The following JARID2 variants were observed in gnomAD, a reference collection of about 807,000 sequenced individuals.
The protein encoded by JARID2 is jumonji and AT-rich interaction domain containing 2, also known as protein Jumonji.
A neutral mutation model predicts 125.6 loss-of-function variants in JARID2; 21 were observed. The ratio of observed to expected loss-of-function variants is 0.17; its 90% CI spans 0.12 to 0.24. JARID2 has a LOEUF of 0.24. Among genes scored for constraint, JARID2 ranks in the 10% least tolerant of loss-of-function variants. The pLI is 1.00. For synonymous variants in JARID2, 736 were observed against 661.6 expected (o/e 1.11, Z -1.73); for missense variants, 1,303 against 1,639.6 (o/e 0.79, Z 3.55).
rs563371320 is a variant in JARID2 at position 15,353,333 on chromosome 6, T to C, written c.46-20784T>C. Reference sequence around the variant, plus strand: ...TTCATGTGTTTATTGTTCACTTATATACATTACAGTAGAAATCTTGAGCTT... The same window carrying C: ...TTCATGTGTTTATTGTTCACTTATACACATTACAGTAGAAATCTTGAGCTT... On this transcript the variant is annotated intron_variant, in intron 1 of 17. Transcript: ENST00000341776. Among the ~76,000 whole-genome samples, 5 of 152,380 alleles carry C rather than the reference T, an allele frequency of 3.3e-5. No individual in the cohort carries two copies. The South Asian group carries it at 1.0e-3, about 32-fold the overall frequency.
chr6:15,444,735 ATTTTTTTTTT>A (rs5874512), intron 3 of JARID2, among the ~76,000 whole-genome samples: 3 of 91,924 alleles, frequency 3.3e-5, no homozygotes, highest in South Asian at 3.9e-4. Context: ...GAACTGTCTG[ATTTTTTTTTT>A]TTTTTTTTTT....
chr6:15,287,659 T>C (rs1761054574), intron 1 of JARID2, among the ~76,000 whole-genome samples: 1 of 152,184 alleles, frequency 6.6e-6, no homozygotes, highest in Non-Finnish European at 1.5e-5. Flanking sequence ...GAGAATCTCT[T>C]TTCCTTCTTC....
At chr6:15,392,598 T>C (rs977881822) in intron 2 of JARID2, among the ~76,000 whole-genome samples, 1 of 152,002 alleles carries the variant, frequency 6.6e-6, no homozygotes, top group African/African-American at 2.4e-5. Context: ...GGAAACGTTC[T>C]GTGTCTGTGC....
chr6:15,491,075 G>A (rs1259742430), intron 6 of JARID2, among the ~76,000 whole-genome samples: 1 of 152,222 alleles, frequency 6.6e-6, no homozygotes, highest in Non-Finnish European at 1.5e-5. Flanking sequence ...GATTCAGAGA[G>A]GGCCAAGGAA....
intron 1 of JARID2, among the ~76,000 whole-genome samples, chr6:15,269,012 A>G (rs746170221): frequency 3.3e-5 from 5 of 152,124 alleles, no homozygotes; most frequent in Non-Finnish European, 5.9e-5. Flanking sequence ...CTCGTTAGGA[A>G]ATTTAAAGGC....
chr6:15,478,622 A>G (rs1769465920), intron 5 of JARID2, among the ~76,000 whole-genome samples: 1 of 151,632 alleles, frequency 6.6e-6, no homozygotes, highest in African/African-American at 2.4e-5. Context: ...CTTATCACTG[A>G]CTTCAGATGT....
intron 5 of JARID2, among the ~76,000 whole-genome samples, chr6:15,472,837 A>G (rs1029947669): frequency 2.0e-5 from 3 of 152,206 alleles, no homozygotes; most frequent in Admixed American, 6.5e-5. Flanking sequence ...TCCCTCTGCA[A>G]TTTAATTCAT....
rs146772436 is a variant in JARID2, at chr6:15,394,731, C to T, written c.182-15493C>T. Reference sequence around the variant, plus strand: ...TCAAATGGAAAGAGGAGCAGGTGCTCTCTAGGCAGAGGAGAGAATAGTCAG... The same window carrying T: ...TCAAATGGAAAGAGGAGCAGGTGCTTTCTAGGCAGAGGAGAGAATAGTCAG... On this transcript the variant is annotated intron_variant, in intron 2 of 17. Coordinates refer to ENST00000341776, the MANE Select transcript of JARID2 (RefSeq NM_004973.4). Among the ~76,000 whole-genome samples, 1,034 of 152,212 alleles carry T rather than the reference C, an allele frequency of 6.8e-3. 5 individuals are homozygous for T. Among genetic ancestry groups the T allele is most frequent in the Non-Finnish European group, 0.011 (766 of 67,974 alleles).
chr6:15,470,033 C>T (rs973118659), intron 5 of JARID2, among the ~76,000 whole-genome samples: 6 of 151,858 alleles, frequency 4.0e-5, no homozygotes, highest in East Asian at 3.9e-4. Context: ...ATAAATTAGC[C>T]GGGCATGGTG....
rs1349697045 is a variant in JARID2, at chr6:15,296,561, A to G, written c.45+49977A>G. Among the ~76,000 whole-genome samples the G allele has an allele frequency of 6.6e-5, 10 of 152,144 alleles. No individual in the cohort carries two copies. In the East Asian group the frequency reaches 1.9e-3, roughly 29 times the overall value. On this transcript the variant is annotated intron_variant, in intron 1 of 17. Transcript: ENST00000341776. ...CCCCATCATCCTCCCCGCAACACAT[A>G]GTTTTTATAATTCTGAACCATTTGA...
At chr6:15,275,154 GC>G in intron 1 of JARID2, among the ~76,000 whole-genome samples, 1 of 152,290 alleles carries the variant, frequency 6.6e-6, no homozygotes, top group South Asian at 2.1e-4. Flanking sequence ...ATCTCTCCTT[GC>G]AAAATGTTTC....
rs1318985876 is a variant in JARID2, at chr6:15,501,177, G to T, written c.2216G>T (p.Gly739Val). 6.2e-7 allele frequency: 1 copy of T among 1,613,990 alleles called. No homozygotes were observed. Among genetic ancestry groups the T allele is most frequent in the Non-Finnish European group, 8.5e-7 (1 of 1,180,022 alleles). Residue 739 changes from glycine to valine, a missense_variant, in exon 8 of 18, where the codon GGC becomes GTC. Coordinates refer to ENST00000341776, the MANE Select transcript of JARID2 (RefSeq NM_004973.4). ...ILEKRKGPLE[G>V]HTENDHHKFH... ...GAGAAGCGCAAGGGGCCGCTGGAAGGCCACACAGAGAACGACCACCACAAG... is the reference window on the plus strand; with the variant it reads ...GAGAAGCGCAAGGGGCCGCTGGAAGTCCACACAGAGAACGACCACCACAAG...
chr6:15,455,248 T>C (rs1356909617), intron 4 of JARID2, among the ~76,000 whole-genome samples: 1 of 152,102 alleles, frequency 6.6e-6, no homozygotes, highest in East Asian at 1.9e-4. Flanking sequence ...ACTTTGGTCT[T>C]GCGTGGCTTA....
chr6:15,508,640 G>A (rs1771121540), intron 12 of JARID2, among the ~76,000 whole-genome samples, 186 bp downstream of exon 12: 2 of 152,254 alleles, frequency 1.3e-5, no homozygotes, highest in African/African-American at 4.8e-5. Flanking sequence ...TCTGTTGGAA[G>A]AGTTGGGGTG....
At chr6:15,442,625 A>T (rs1767495302) in intron 3 of JARID2, among the ~76,000 whole-genome samples, 1 of 152,140 alleles carries the variant, frequency 6.6e-6, no homozygotes, top group African/African-American at 2.4e-5. Context: ...CCGTGTGGGG[A>T]TGGCGGCGCA....
chr6:15,318,733 A>G (rs1489326031), intron 1 of JARID2, among the ~76,000 whole-genome samples: 1 of 152,198 alleles, frequency 6.6e-6, no homozygotes, highest in African/African-American at 2.4e-5. Context: ...ATCAGAAACA[A>G]TGAGGGGTGG....
chr6:15,354,536 CTCAG>C (rs1343075690), intron 1 of JARID2, among the ~76,000 whole-genome samples: 3 of 152,136 alleles, frequency 2.0e-5, no homozygotes, highest in Non-Finnish European at 4.4e-5. Context: ...TTAAGTAACA[CTCAG>C]TGTCAGGCAC....
At chr6:15,452,816 A>G (rs893015828) in intron 4 of JARID2, among the ~76,000 whole-genome samples, 2 of 152,224 alleles carry the variant, frequency 1.3e-5, no homozygotes, top group African/African-American at 4.8e-5. Flanking sequence ...CTGTGAGGAA[A>G]GAACACAGAA....
At position 15,434,445 on chromosome 6, in the gene JARID2, A is replaced by C. The variant is rs564160117; in HGVS notation, c.324-17561A>C. ...TTTTCAGAAAATTCTTAGAAGGGCAAATAGGGTCAGCTGTCATCTTTGTTT... is the reference window on the plus strand; with the variant it reads ...TTTTCAGAAAATTCTTAGAAGGGCACATAGGGTCAGCTGTCATCTTTGTTT... On this transcript the variant is annotated intron_variant, in intron 3 of 17. Transcript: ENST00000341776. Among the ~76,000 whole-genome samples the C allele has an allele frequency of 3.3e-5, 5 of 152,302 alleles. No homozygotes were observed. The East Asian group carries it at 9.6e-4, about 29-fold the overall frequency.
Sources: allele counts gnomAD v4.1 joint callset (sites outside exome capture counted in the v4.1 genomes callset), GRCh38; gene constraint gnomAD v4.1.1; transcripts MANE v1.5; gene names NCBI Gene and HGNC (gene_info 2026-07-23, HGNC 2026-07-21).